The following STK40 variants were observed in gnomAD, a reference collection of about 807,000 sequenced individuals.
STK40 encodes the protein serine/threonine kinase 40, also known as serine/threonine-protein kinase 40.
In STK40, 13 loss-of-function variants were observed where a neutral mutation model predicts 47.9. The observed-to-expected ratio is 0.27, with a 90% CI of 0.18 to 0.43. STK40 has a LOEUF of 0.43. Among genes scored for constraint, STK40 ranks in the 20% least tolerant of loss-of-function variants. STK40 has a pLI of 1.00. For missense variants in STK40, 460 were observed against 595.1 expected (o/e 0.77, Z 2.36); for synonymous variants, 225 against 243.2 (o/e 0.93, Z 0.69).
At chr1:36,345,991 A>ATATATATATATTTTT in intron 7 of STK40, among the ~76,000 whole-genome samples, 1 of 26,466 alleles carries the variant, frequency 3.8e-5, no homozygotes, top group African/African-American at 1.4e-4. Context: ...ATATATATAT[A>ATATATATATATTTTT]TTTTTTTTTT....
At chr1:36,354,303 G>T (rs543916472) in intron 6 of STK40, 61 bp downstream of exon 6, 1 of 1,576,890 alleles carries the variant, frequency 6.3e-7, no homozygotes, top group Non-Finnish European at 8.7e-7. Context: ...CTGGAGAGTT[G>T]CAATGTGTAG....
intron 1 of STK40, among the ~76,000 whole-genome samples, chr1:36,376,489 T>C (rs1176076234): frequency 6.6e-6 from 1 of 152,150 alleles, no homozygotes; most frequent in Non-Finnish European, 1.5e-5. Flanking sequence ...ACAAAGATAA[T>C]GTGCTCAACA....
At chr1:36,368,018 G>A (rs955256030) in intron 1 of STK40, 3 of 302,220 alleles carry the variant, frequency 9.9e-6, no homozygotes, top group Middle Eastern at 1.8e-3. Context: ...TGCGGGAGGA[G>A]AGCAGAGCAC....
rs557079306 is a variant in STK40 at position 36,372,382 on chromosome 1, C to G, written c.-8-11042G>C. Among the ~76,000 whole-genome samples, 5 of 126,680 alleles carry G rather than the reference C, an allele frequency of 3.9e-5. No individual in the cohort carries two copies. In the East Asian group the frequency reaches 9.3e-4, roughly 23 times the overall value. The allele number at this position is 126,680 out of a possible 152,430, so 83.1% of individuals were successfully genotyped here. On this transcript the variant is annotated intron_variant, in intron 1 of 10. Coordinates refer to ENST00000373132, the MANE Select transcript of STK40 (RefSeq NM_001282547.2). ...GAGTTTGAGGCTGCGTGAGCCATGA[C>G]AGCACCACTCTAGCCTGGGGGACAG...
intron 6 of STK40, among the ~76,000 whole-genome samples, chr1:36,353,217 G>A (rs1471219848): frequency 6.6e-6 from 1 of 152,222 alleles, no homozygotes; most frequent in Non-Finnish European, 1.5e-5. Flanking sequence ...GAGTTGAGAG[G>A]TGACAGAGGG....
Position 36,344,132 on chromosome 1 carries a change from T to C in STK40, c.872A>G (p.Tyr291Cys). Residue 291 changes from tyrosine (Y) to cysteine (C), a missense_variant, in exon 8 of 11, where the codon TAT becomes TGT. Physicochemically the swap from Tyr to Cys is radical, Grantham distance 194. Transcript: ENST00000373132. ...ELFRKIKAAE[Y>C]TIPEDGRVSE... ...AGGCAGGACTCACTCAGGAATGGTA[T>C]ACTCGGCAGCCTTGATCTTGCGGAA... 1.2e-6 allele frequency: 2 copies of C among 1,607,176 alleles called. No homozygotes were observed. The highest frequency in any genetic ancestry group is 1.1e-5 in the South Asian group (1 of 90,572).
intron 7 of STK40, among the ~76,000 whole-genome samples, chr1:36,347,721 C>T (rs925203042): frequency 4.0e-5 from 6 of 150,716 alleles, no homozygotes; most frequent in Non-Finnish European, 7.4e-5. Flanking sequence ...GGCACAATCT[C>T]GGCTCACTGC....
intron 10 of STK40, 94 bp from the exon 11 acceptor site, chr1:36,342,067 G>T: frequency 8.3e-7 from 1 of 1,198,884 alleles, no homozygotes; most frequent in Non-Finnish European, 1.2e-6. Context: ...TGGCAGCCTG[G>T]CTCCTGCAGT....
chr1:36,371,029 A>G (rs2124747057), intron 1 of STK40, among the ~76,000 whole-genome samples: 1 of 151,814 alleles, frequency 6.6e-6, no homozygotes, highest in Non-Finnish European at 1.5e-5. Context: ...CGTGCATGCC[A>G]CCATGCCAAG....
intron 1 of STK40, among the ~76,000 whole-genome samples, chr1:36,376,867 C>T (rs1646996864): frequency 6.6e-6 from 1 of 150,750 alleles, no homozygotes; most frequent in Non-Finnish European, 1.5e-5. Context: ...ACTATCACCT[C>T]CCCGGTTCAA....
At chr1:36,363,564 T>C (rs984284912) in intron 1 of STK40, among the ~76,000 whole-genome samples, 2 of 151,326 alleles carry the variant, frequency 1.3e-5, no homozygotes, top group African/African-American at 4.9e-5. Flanking sequence ...ACCAGCACTT[T>C]GGGAGGCCGA....
At chr1:36,345,983 A>ATTT (rs1242799312) in intron 7 of STK40, among the ~76,000 whole-genome samples, 4 of 9,714 alleles carry the variant, frequency 4.1e-4, no homozygotes, top group Non-Finnish European at 1.6e-3. Context: ...ATATATATAT[A>ATTT]TATATATATT....
chr1:36,344,063 C>A, intron 8 of STK40, 57 bp downstream of exon 8: 1 of 1,589,838 alleles, frequency 6.3e-7, no homozygotes, highest in Non-Finnish European at 8.6e-7. Flanking sequence ...TGCCGTTTCC[C>A]TGCCTTAAGC....
At chr1:36,361,675 A>C (rs567198577) in intron 1 of STK40, among the ~76,000 whole-genome samples, 1 of 152,254 alleles carries the variant, frequency 6.6e-6, no homozygotes, top group African/African-American at 2.4e-5. Context: ...CAGAGCCCCA[A>C]GAGACTACCA....
intron 7 of STK40, among the ~76,000 whole-genome samples, chr1:36,345,987 ATATATTT>A (rs1646697071): frequency 1.2e-4 from 2 of 17,270 alleles, no homozygotes; most frequent in Non-Finnish European, 2.3e-4. Flanking sequence ...ATATATATAT[ATATATTT>A]TTTTTTTTTT....
intron 1 of STK40, among the ~76,000 whole-genome samples, chr1:36,383,404 C>A (rs1647057424): frequency 6.6e-6 from 1 of 152,248 alleles, no homozygotes; most frequent in Non-Finnish European, 1.5e-5. Context: ...GAGAGGGGCA[C>A]ATGTGCCAGG....
In STK40 at chr1:36,344,111, A is replaced by G; in HGVS notation, c.884+9T>C. On this transcript the variant is annotated intron_variant, in intron 8 of 10. Coordinates refer to ENST00000373132, the MANE Select transcript of STK40 (RefSeq NM_001282547.2). ...CTGCCCCCCCCACCCCCCGGGAGGC[A>G]GGACTCACTCAGGAATGGTATACTC... The G allele has an allele frequency of 1.6e-6, 2 of 1,215,804 alleles. No homozygotes were observed. The highest frequency in any genetic ancestry group is 2.3e-6 in the Non-Finnish European group (2 of 881,208). The allele number at this position is 1,215,804 out of a possible 1,614,324, so 75.3% of individuals were successfully genotyped here.
In STK40 at chr1:36,379,736, C is replaced by T. The variant is rs568890153; in HGVS notation, c.-9+5987G>A. On this transcript the variant is annotated intron_variant, in intron 1 of 10. Coordinates refer to ENST00000373132, the MANE Select transcript of STK40 (RefSeq NM_001282547.2). Reference sequence around the variant, plus strand: ...CCTGTGTTCCCCTCAGGACGTACGACCTCAACCCAAAAGAACAGATTCACT... The same window carrying T: ...CCTGTGTTCCCCTCAGGACGTACGATCTCAACCCAAAAGAACAGATTCACT... Among the ~76,000 whole-genome samples, 21 of 152,150 alleles carry T rather than the reference C, an allele frequency of 1.4e-4. No individual in the cohort carries two copies. In the South Asian group the frequency reaches 2.7e-3, roughly 20 times the overall value.
intron 4 of STK40, among the ~76,000 whole-genome samples, chr1:36,357,125 C>A (rs1403006623): frequency 6.6e-6 from 1 of 152,204 alleles, no homozygotes; most frequent in African/African-American, 2.4e-5. Context: ...CCAGCAGCAG[C>A]TCAGTGCTTG....
Sources: gnomAD v4.1 joint callset for allele counts (sites outside exome capture counted in the v4.1 genomes callset) on GRCh38, gnomAD v4.1.1 for gene constraint, MANE v1.5 for transcripts, NCBI Gene and HGNC (gene_info 2026-07-23, HGNC 2026-07-21) for gene names.